GNPTAB: variants seen among roughly 807,000 people sequenced by gnomAD.
GNPTAB encodes the protein N-acetylglucosamine-1-phosphotransferase subunits alpha/beta.
A neutral mutation model predicts 136.6 loss-of-function variants in GNPTAB; 92 were observed. The ratio of observed to expected loss-of-function variants is 0.67; its 90% CI spans 0.57 to 0.80. GNPTAB has a LOEUF of 0.80. Among genes scored for constraint, GNPTAB ranks in the 30% least tolerant of loss-of-function variants. The pLI is 0.00. For missense variants in GNPTAB, 1,343 were observed against 1,501.8 expected, an observed-to-expected ratio of 0.89 and a Z score of 1.75; for synonymous variants, 512 against 535.1, an observed-to-expected ratio of 0.96 and a Z score of 0.60.
intron 7 of GNPTAB, among the ~76,000 whole-genome samples, chr12:101,778,073 T>C (rs747730856): frequency 3.3e-5 from 5 of 152,138 alleles, no homozygotes; most frequent in Admixed American, 6.5e-5. Context: ...TCAATTCAAA[T>C]TGCTACCCCA....
chr12:101,762,545 G>C (rs1953015190), intron 13 of GNPTAB, among the ~76,000 whole-genome samples: 1 of 152,122 alleles, frequency 6.6e-6, no homozygotes, highest in Non-Finnish European at 1.5e-5. Flanking sequence ...AACACTATTT[G>C]TAATCACAAA....
chr12:101,818,068 C>T (rs1214822742), intron 1 of GNPTAB, among the ~76,000 whole-genome samples: 1 of 152,222 alleles, frequency 6.6e-6, no homozygotes, highest in Non-Finnish European at 1.5e-5. Context: ...CGGCTTCATT[C>T]CCCTGTCACT....
At chr12:101,803,086 G>C (rs1414027799) in intron 1 of GNPTAB, among the ~76,000 whole-genome samples, 1 of 152,026 alleles carries the variant, frequency 6.6e-6, no homozygotes, top group Non-Finnish European at 1.5e-5. Flanking sequence ...CCAGAAAGTA[G>C]ACTCAGAAAG....
intron 18 of GNPTAB, 92 bp from the exon 19 acceptor site, chr12:101,753,631 G>T: frequency 9.7e-7 from 1 of 1,034,532 alleles, no homozygotes; most frequent in Non-Finnish European, 1.5e-6. Context: ...ATTTTAAATG[G>T]ACTTATGTCC....
intron 1 of GNPTAB, among the ~76,000 whole-genome samples, chr12:101,808,515 C>A (rs1870055538): frequency 6.6e-6 from 1 of 151,996 alleles, no homozygotes; most frequent in South Asian, 2.1e-4. Flanking sequence ...GCACTCCAGC[C>A]TGGATGACAG....
intron 7 of GNPTAB, among the ~76,000 whole-genome samples, chr12:101,774,635 A>G (rs1054226562): frequency 6.6e-6 from 1 of 152,224 alleles, no homozygotes; most frequent in Non-Finnish European, 1.5e-5. Flanking sequence ...AATAATCTTC[A>G]CTTTTAAATT....
Position 101,757,603 on chromosome 12 carries a change from G to T in GNPTAB, c.3304C>A (p.His1102Asn). ...TNCKPVTDKI[H>N]KAYKDKNKYR... is the part of the protein sequence containing the mutation. ...TTGTTTTTGTCCTTATATGCTTTGT[G>T]GATTTTGTCAGTTACTGGTTTACAG... The change falls in exon 17 of 21, where the codon CAC (histidine) becomes AAC (asparagine). Residue 1102 changes from histidine to asparagine, a missense_variant. Coordinates refer to ENST00000299314, the MANE Select transcript of GNPTAB (RefSeq NM_024312.5). The T allele has an allele frequency of 6.3e-7, 1 of 1,581,910 alleles. No individual in the cohort carries two copies. The highest frequency in any genetic ancestry group is 8.7e-7 in the Non-Finnish European group (1 of 1,151,046).
chr12:101,806,378 AAGT>A (rs1168763291), intron 1 of GNPTAB, among the ~76,000 whole-genome samples: 4 of 152,204 alleles, frequency 2.6e-5, no homozygotes, highest in Admixed American at 1.3e-4. Context: ...TAGAAACAGA[AAGT>A]AGATTAGAGG....
chr12:101,792,211 T>C (rs1428901177), intron 2 of GNPTAB, among the ~76,000 whole-genome samples: 4 of 152,136 alleles, frequency 2.6e-5, no homozygotes, highest in Non-Finnish European at 4.4e-5. Context: ...GAGAAGAATG[T>C]GCCAGAGAAA....
Position 101,770,080 on chromosome 12 carries a change from C to T in GNPTAB, c.1225G>A (p.Val409Ile). ...SQKFIYLNDD[V>I]MFGKDVWPDD... Reference sequence around the variant, plus strand: ...GGCCAGACATCCTTCCCAAACATGACATCATCATTTAGGTAAATAAACTTC... The same window carrying T: ...GGCCAGACATCCTTCCCAAACATGATATCATCATTTAGGTAAATAAACTTC... The change falls in exon 10 of 21, where the codon GTC (valine) becomes ATC (isoleucine). Residue 409 changes from valine (V) to isoleucine (I), a missense_variant. Val to Ile is a conservative substitution (Grantham distance 29). Coordinates refer to ENST00000299314, the MANE Select transcript of GNPTAB (RefSeq NM_024312.5). The T allele has an allele frequency of 6.2e-7, 1 of 1,614,164 alleles. No individual in the cohort carries two copies. The highest frequency in any genetic ancestry group is 8.5e-7 in the Non-Finnish European group (1 of 1,180,020).
At chr12:101,823,156 A>T (rs1034617895) in intron 1 of GNPTAB, among the ~76,000 whole-genome samples, 1 of 152,238 alleles carries the variant, frequency 6.6e-6, no homozygotes, top group Non-Finnish European at 1.5e-5. Flanking sequence ...AGTTGGAGGA[A>T]CACCAAACTG....
intron 1 of GNPTAB, among the ~76,000 whole-genome samples, chr12:101,802,199 TAA>T (rs112485347): frequency 0.12 from 12,548 of 107,808 alleles, 635 homozygotes; most frequent in Middle Eastern, 0.26. Context: ...CCCTGTCTCT[TAA>T]AAAAAAAAAA....
intron 19 of GNPTAB, 123 bp downstream of exon 19, chr12:101,753,249 G>A (rs1398491013): frequency 1.0e-4 from 89 of 854,064 alleles, no homozygotes; most frequent in South Asian, 5.7e-4. Context: ...ACAAAACTCC[G>A]TCTCAAAAAA....
At chr12:101,806,760 A>G (rs1869954853) in intron 1 of GNPTAB, among the ~76,000 whole-genome samples, 1 of 152,186 alleles carries the variant, frequency 6.6e-6, no homozygotes, top group African/African-American at 2.4e-5. Flanking sequence ...GGCTATATCT[A>G]TAAAAAAATT....
At chr12:101,760,840 C>T (rs561776178) in intron 15 of GNPTAB, among the ~76,000 whole-genome samples, 6 of 147,450 alleles carry the variant, frequency 4.1e-5, no homozygotes, top group South Asian at 4.2e-4. Flanking sequence ...AGTGCAGTGG[C>T]GCAATCTTGG....
Position 101,754,608 on chromosome 12 carries a change from G to A in GNPTAB, c.3435-1069C>T, listed in dbSNP as rs567957822. 2.3e-4 allele frequency among the ~76,000 whole-genome samples: 35 copies of A among 152,114 alleles called. No homozygotes were observed. In the South Asian group the frequency reaches 7.2e-3, roughly 32 times the overall value. On this transcript the variant is annotated intron_variant, in intron 18 of 20. Coordinates refer to ENST00000299314, the MANE Select transcript of GNPTAB (RefSeq NM_024312.5). ...CAAGCTGTAAGATGCTACAGTTCTG[G>A]CAAAAAAGCAGATTACAGTGGTGCT...
chr12:101,819,922 T>C (rs1175244298), intron 1 of GNPTAB, among the ~76,000 whole-genome samples: 13 of 152,220 alleles, frequency 8.5e-5, no homozygotes, highest in Admixed American at 7.2e-4. Flanking sequence ...TCTGATTTCA[T>C]AGCAATCATA....
intron 1 of GNPTAB, among the ~76,000 whole-genome samples, chr12:101,803,310 T>C (rs1285519332): frequency 6.6e-6 from 1 of 152,214 alleles, no homozygotes; most frequent in African/African-American, 2.4e-5. Flanking sequence ...ATTAAAGATA[T>C]TTTAAGCTTT....
chr12:101,771,221 T>C (rs563099700), intron 7 of GNPTAB, 64 bp from the exon 8 acceptor site: 1 of 1,349,452 alleles, frequency 7.4e-7, no homozygotes, highest in Non-Finnish European at 1.1e-6. Flanking sequence ...CACCTTTAAA[T>C]TCCCACTCTG....
Sources: gnomAD v4.1 joint callset for allele counts (sites outside exome capture counted in the v4.1 genomes callset) on GRCh38, gnomAD v4.1.1 for gene constraint, MANE v1.5 for transcripts, NCBI Gene and HGNC (gene_info 2026-07-23, HGNC 2026-07-21) for gene names.